The following USP6NL variants were observed in gnomAD, a reference collection of about 807,000 sequenced individuals.
USP6NL encodes the protein USP6 N-terminal like, also known as USP6 N-terminal-like protein.
Under a neutral mutation model 61.9 loss-of-function variants are expected in USP6NL, and 26 were observed. The ratio of observed to expected loss-of-function variants is 0.42; its 90% CI spans 0.31 to 0.58. The LOEUF (loss-of-function observed/expected upper bound fraction) is 0.58. USP6NL is among the 20% of genes least tolerant of loss of function. The pLI is 0.16. For synonymous variants in USP6NL, 432 were observed against 390.1 expected (o/e 1.11, Z -1.27); for missense variants, 1,114 against 1,034.3 (o/e 1.08, Z -1.06).
chr10:11,509,552 G>T, intron 6 of USP6NL, 43 bp downstream of exon 6: 1 of 1,419,166 alleles, frequency 7.0e-7, no homozygotes, highest in South Asian at 1.4e-5. Flanking sequence ...AATCCACATT[G>T]AGTTTATATA....
intron 2 of USP6NL, among the ~76,000 whole-genome samples, chr10:11,552,323 G>T (rs1566175800): frequency 6.6e-6 from 1 of 152,170 alleles, no homozygotes; most frequent in African/African-American, 2.4e-5. Context: ...AGGATAGTGA[G>T]TCATCCTTCA....
At position 11,463,081 on chromosome 10, in the gene USP6NL, G is replaced by T. The variant is rs757835467; in HGVS notation, c.1847C>A (p.Pro616Gln). The T allele has an allele frequency of 2.5e-6, 4 of 1,614,014 alleles. No homozygotes were observed. The highest frequency in any genetic ancestry group is 3.4e-6 in the Non-Finnish European group (4 of 1,179,898). ...TCGGGCTTCCCCATCTAGCTGGGAC[G>T]GATATCGTGCATGACTTGGAGGCTG... Reference protein sequence around the residue: ...KVQPPSHARYPSQLDGEARGL... With the variant: ...KVQPPSHARYQSQLDGEARGL... The change falls in exon 15 of 15, where the codon CCG becomes CAG. Residue 616 changes from proline to glutamine, a missense_variant. Physicochemically the swap from Pro to Gln is moderately conservative, Grantham distance 76. Coordinates refer to ENST00000609104, the MANE Select transcript of USP6NL (RefSeq NM_014688.5). The surrounding 1 kb of genome is among the most constrained non-coding windows in gnomAD (Gnocchi z 6.3).
chr10:11,546,985 ATC>A (rs2133474243), intron 2 of USP6NL, among the ~76,000 whole-genome samples: 1 of 152,342 alleles, frequency 6.6e-6, no homozygotes, highest in East Asian at 1.9e-4. Flanking sequence ...TAATTTCATA[ATC>A]TGATTCATTT....
rs1403861405 is a variant in USP6NL at position 11,481,672 on chromosome 10, A to G, written c.1078+98T>C. ...ATCCACATTATGTCATCACAAGTAT[A>G]ATGCTTACGCTGTGGGCAAGAAACA... On this transcript the variant is annotated intron_variant, in intron 14 of 14. Coordinates refer to ENST00000609104, the MANE Select transcript of USP6NL (RefSeq NM_014688.5). The surrounding 1 kb of genome is among the most constrained non-coding windows in gnomAD (Gnocchi z 4.4). 2 of 1,303,984 alleles carry G rather than the reference A, an allele frequency of 1.5e-6. No homozygotes were observed. The highest frequency in any genetic ancestry group is 1.0e-6 in the Non-Finnish European group (1 of 979,516). 80.8% of individuals were successfully genotyped at this position (1,303,984 alleles called of 1,614,324 possible).
At chr10:11,526,896 T>A (rs911440039) in intron 3 of USP6NL, among the ~76,000 whole-genome samples, 1 of 152,202 alleles carries the variant, frequency 6.6e-6, no homozygotes, top group Non-Finnish European at 1.5e-5. Context: ...TATACACACT[T>A]GTATAAATTC....
At chr10:11,572,247 G>C (rs1013766201) in intron 2 of USP6NL, among the ~76,000 whole-genome samples, 1 of 151,918 alleles carries the variant, frequency 6.6e-6, no homozygotes, top group African/African-American at 2.4e-5. Context: ...TATATTCTCT[G>C]GAAATAGTAA....
At chr10:11,582,917 T>C (rs1281196771) in intron 2 of USP6NL, among the ~76,000 whole-genome samples, 1 of 150,106 alleles carries the variant, frequency 6.7e-6, no homozygotes, top group Non-Finnish European at 1.5e-5. Flanking sequence ...TTCATTCATA[T>C]AAGATTTCTT....
At chr10:11,521,299 T>TTA (rs910894173) in intron 4 of USP6NL, among the ~76,000 whole-genome samples, 249 of 147,786 alleles carry the variant, frequency 1.7e-3, no homozygotes, top group African/African-American at 5.8e-3. Flanking sequence ...GTAATCAAAA[T>TTA]TATATATATA....
intron 2 of USP6NL, among the ~76,000 whole-genome samples, chr10:11,572,725 G>C (rs1350870626): frequency 2.6e-5 from 4 of 151,982 alleles, no homozygotes; most frequent in Non-Finnish European, 5.9e-5. Flanking sequence ...TATAAAGATA[G>C]AATGCTTAAT....
intron 7 of USP6NL, among the ~76,000 whole-genome samples, chr10:11,494,194 C>T (rs1171200895): frequency 6.6e-6 from 1 of 152,206 alleles, no homozygotes; most frequent in African/African-American, 2.4e-5. Context: ...CGTCTTCTGG[C>T]TTCCAGTGTT....
Position 11,585,086 on chromosome 10 carries a change from G to C in USP6NL, c.4+12545C>G, listed in dbSNP as rs958547562. ...TTTCCATAATCATTTTGGGAGAAAA[G>C]ACTGTTTTAGAATGATATGATGCAA... On this transcript the variant is annotated intron_variant, in intron 2 of 14. Coordinates refer to ENST00000609104, the MANE Select transcript of USP6NL (RefSeq NM_014688.5). This position sits in a 1 kb window ranked among gnomAD's most constrained non-coding sequence, Gnocchi z 4.5. 2.6e-5 allele frequency among the ~76,000 whole-genome samples: 4 copies of C among 152,186 alleles called. No homozygotes were observed. The highest frequency in any genetic ancestry group is 2.6e-4 in the Admixed American group (4 of 15,280).
chr10:11,539,380 C>T (rs189364123), intron 2 of USP6NL, among the ~76,000 whole-genome samples: 53 of 152,332 alleles, frequency 3.5e-4, no homozygotes, highest in Middle Eastern at 3.4e-3. Flanking sequence ...CAGTCTCCTG[C>T]GCCTTACTTC....
intron 3 of USP6NL, among the ~76,000 whole-genome samples, chr10:11,526,556 A>C (rs1050470480): frequency 6.6e-6 from 1 of 152,210 alleles, no homozygotes; most frequent in Non-Finnish European, 1.5e-5. Context: ...AATGAAGGAA[A>C]CTGTGTTTGA....
At chr10:11,584,823 A>G (rs146315996) in intron 2 of USP6NL, among the ~76,000 whole-genome samples, 4 of 152,260 alleles carry the variant, frequency 2.6e-5, no homozygotes, top group African/African-American at 9.6e-5. Flanking sequence ...CTGTAGTCCC[A>G]GCTACATGAG....
chr10:11,593,046 C>A (rs1326436355), intron 2 of USP6NL, among the ~76,000 whole-genome samples: 1 of 152,160 alleles, frequency 6.6e-6, no homozygotes, highest in East Asian at 1.9e-4. Flanking sequence ...AAAATGACCT[C>A]AAAAAACTCA....
In USP6NL at chr10:11,490,958, CAA is replaced by C. The variant is rs1420871975; in HGVS notation, c.495-80_495-79del. The stretch of plus-strand genomic sequence containing the variant: ...AAATTACAAACTTAAAAAAATAAAC[CAA>C]AGACTGACTGAAAACAGATAATCCA... On this transcript the variant is annotated intron_variant, in intron 8 of 14. Transcript: ENST00000609104. The surrounding 1 kb of genome is among the most constrained non-coding windows in gnomAD (Gnocchi z 4.5). 3 of 1,246,752 alleles carry C rather than the reference CAA, an allele frequency of 2.4e-6. No homozygotes were observed. Among genetic ancestry groups the C allele is most frequent in the Non-Finnish European group, 3.3e-6 (3 of 906,660 alleles). The allele number at this position is 1,246,752 out of a possible 1,614,324, so 77.2% of individuals were successfully genotyped here.
chr10:11,475,301 C>CA (rs766814955), intron 14 of USP6NL, among the ~76,000 whole-genome samples: 33,829 of 127,426 alleles, frequency 0.27, 4,154 homozygotes, highest in Non-Finnish European at 0.31. Context: ...GAAAGTTTGC[C>CA]AAAAAAAAAA....
At chr10:11,581,667 T>TAAA (rs1316779908) in intron 2 of USP6NL, among the ~76,000 whole-genome samples, 1 of 152,262 alleles carries the variant, frequency 6.6e-6, no homozygotes, top group East Asian at 1.9e-4. Flanking sequence ...TGTAGGATAT[T>TAAA]AAACTATAAA....
intron 2 of USP6NL, among the ~76,000 whole-genome samples, chr10:11,546,649 C>G (rs138539685): frequency 2.8e-4 from 42 of 152,248 alleles, no homozygotes; most frequent in Middle Eastern, 3.4e-3. Context: ...AACGCCTGAC[C>G]TCATGATCCG....
Sources: allele counts gnomAD v4.1 joint callset (sites outside exome capture counted in the v4.1 genomes callset), GRCh38; gene constraint gnomAD v4.1.1; non-coding constraint Gnocchi (gnomAD v3.1); transcripts MANE v1.5; gene names NCBI Gene and HGNC (gene_info 2026-07-23, HGNC 2026-07-21).